Variants in RUFY3 observed in about 807,000 individuals in gnomAD.
RUFY3 encodes RUN and FYVE domain containing 3.
A neutral mutation model predicts 84.0 loss-of-function variants in RUFY3; 34 were observed. The ratio of observed to expected loss-of-function variants is 0.40; its 90% confidence interval spans 0.31 to 0.54. The LOEUF is 0.54. RUFY3 is among the 20% of genes least tolerant of loss of function. The pLI is 0.39. For synonymous variants in RUFY3, 242 were observed against 252.9 expected, an observed-to-expected ratio of 0.96 and a Z score of 0.41; for missense variants, 507 against 736.8, an observed-to-expected ratio of 0.69 and a Z score of 3.61.
intron 1 of RUFY3, chr4:70,741,526 T>C: frequency 1.1e-6 from 1 of 932,032 alleles, no homozygotes; most frequent in Non-Finnish European, 1.5e-6. Flanking sequence ...GAACCTCCCT[T>C]TCAGTTATCC....
intron 1 of RUFY3, among the ~76,000 whole-genome samples, chr4:70,737,398 T>C (rs1026549228): frequency 6.6e-6 from 1 of 152,206 alleles, no homozygotes; most frequent in African/African-American, 2.4e-5. Flanking sequence ...TATACAGATA[T>C]AAAACTAAGA....
chr4:70,790,501 G>T (rs73824902), intron 12 of RUFY3, among the ~76,000 whole-genome samples: 10,382 of 151,936 alleles, frequency 0.068, 555 homozygotes, highest in East Asian at 0.2. Flanking sequence ...TCCCTTATTC[G>T]TCAGATACAT....
At chr4:70,796,477 T>G (rs1418866187) in intron 14 of RUFY3, among the ~76,000 whole-genome samples, 2 of 152,254 alleles carry the variant, frequency 1.3e-5, no homozygotes, top group African/African-American at 2.4e-5. Flanking sequence ...CCCACTTGTT[T>G]ATAATTTCCA....
chr4:70,708,315 G>A (rs1473469468), intron 1 of RUFY3, among the ~76,000 whole-genome samples: 2 of 151,824 alleles, frequency 1.3e-5, no homozygotes, highest in African/African-American at 4.8e-5. Flanking sequence ...GGGATTACAG[G>A]TGCGCACCAC....
chr4:70,737,747 G>T (rs1234204856), intron 1 of RUFY3, among the ~76,000 whole-genome samples: 1 of 145,562 alleles, frequency 6.9e-6, no homozygotes, highest in Non-Finnish European at 1.5e-5. Flanking sequence ...TACCATCTCA[G>T]CTCACTGCAA....
intron 1 of RUFY3, among the ~76,000 whole-genome samples, chr4:70,709,684 C>G (rs539638396): frequency 1.3e-5 from 2 of 152,330 alleles, no homozygotes; most frequent in East Asian, 3.9e-4. Flanking sequence ...ACAGGATAGA[C>G]AAAAGATGGC....
intron 12 of RUFY3, chr4:70,792,780 A>G: frequency 1.0e-6 from 1 of 985,318 alleles, no homozygotes; most frequent in Non-Finnish European, 1.2e-6. Flanking sequence ...ACTTGAACCA[A>G]AATTAAGTCC....
chr4:70,716,312 A>C (rs925436781), intron 1 of RUFY3, among the ~76,000 whole-genome samples: 1 of 151,580 alleles, frequency 6.6e-6, no homozygotes, highest in Admixed American at 6.6e-5. Flanking sequence ...TGCCTGGCTA[A>C]TTTTTGTATT....
upstream of RUFY3, chr4:70,703,990 A>G (rs530867244): frequency 1.9e-4 from 29 of 152,368 alleles, no homozygotes; most frequent in African/African-American, 6.7e-4. Flanking sequence ...TTATTGCCGA[A>G]AGAAATGTTT....
Position 70,722,006 on chromosome 4 carries a change from G to T in RUFY3, c.-568G>T. 8.1e-7 allele frequency: 1 copy of T among 1,232,122 alleles called. No homozygotes were observed. Among genetic ancestry groups the T allele is most frequent in the Non-Finnish European group, 1.0e-6 (1 of 987,984 alleles). The allele number at this position is 1,232,122 out of a possible 1,614,324, so 76.3% of individuals were successfully genotyped here. On this transcript the variant is annotated 5_prime_UTR_variant, in exon 1 of 18. Coordinates refer to ENST00000381006, the MANE Select transcript of RUFY3 (RefSeq NM_001037442.4). ...TTTTGGTCAACACCCTGCTTACTGC[G>T]CACGGCCAATCCTATGAGAACTCAG...
At chr4:70,713,528 C>G (rs1741233187) in intron 1 of RUFY3, among the ~76,000 whole-genome samples, 1 of 151,700 alleles carries the variant, frequency 6.6e-6, no homozygotes, top group South Asian at 2.1e-4. Context: ...GGACAAGATA[C>G]TCAGCTTTGT....
chr4:70,704,963 C>G (rs2148543622), exon 1 of RUFY3: 1 of 1,227,636 alleles, frequency 8.1e-7, no homozygotes, highest in Non-Finnish European at 1.0e-6. Context: ...CGCCGCCCAC[C>G]GCTGGTGCCG....
chr4:70,716,845 CAA>C (rs531822773), intron 1 of RUFY3, among the ~76,000 whole-genome samples: 29 of 72,458 alleles, frequency 4.0e-4, no homozygotes, highest in African/African-American at 5.7e-4. Flanking sequence ...AACTCTGTCT[CAA>C]AAAAAAAAAA....
At chr4:70,772,069 T>G (rs1174806581) in intron 5 of RUFY3, among the ~76,000 whole-genome samples, 1 of 151,304 alleles carries the variant, frequency 6.6e-6, no homozygotes, top group African/African-American at 2.4e-5. Flanking sequence ...AAAACCTTTT[T>G]TTTTTCTGCC....
At chr4:70,706,037 C>T (rs1349711426) in intron 1 of RUFY3, among the ~76,000 whole-genome samples, 2 of 152,158 alleles carry the variant, frequency 1.3e-5, no homozygotes, top group Non-Finnish European at 2.9e-5. Context: ...ATGCAGCTGA[C>T]CCACACTCCG....
chr4:70,723,382 G>A (rs1717690511), intron 1 of RUFY3, among the ~76,000 whole-genome samples: 2 of 152,078 alleles, frequency 1.3e-5, no homozygotes, highest in Non-Finnish European at 2.9e-5. Flanking sequence ...GATTAATATG[G>A]CATCCCTATA....
At chr4:70,787,887 A>G (rs1578222006) in intron 10 of RUFY3, among the ~76,000 whole-genome samples, 1 of 152,312 alleles carries the variant, frequency 6.6e-6, no homozygotes, top group East Asian at 1.9e-4. Context: ...CCCAAGGCAC[A>G]AGGCAGATGC....
intron 14 of RUFY3, among the ~76,000 whole-genome samples, chr4:70,798,643 C>T: frequency 6.6e-6 from 1 of 151,912 alleles, no homozygotes; most frequent in African/African-American, 2.4e-5. Flanking sequence ...GTATCTGGGC[C>T]TTGCTGCGTG....
At chr4:70,805,309 C>G (rs933413810) in intron 17 of RUFY3, among the ~76,000 whole-genome samples, 1 of 152,194 alleles carries the variant, frequency 6.6e-6, no homozygotes, top group Non-Finnish European at 1.5e-5. Flanking sequence ...TGAGCATCTT[C>G]CCAGTTTGTT....
Sources: gnomAD v4.1 joint callset for allele counts (sites outside exome capture counted in the v4.1 genomes callset) on GRCh38, gnomAD v4.1.1 for gene constraint, MANE v1.5 for transcripts, NCBI Gene and HGNC (gene_info 2026-07-23, HGNC 2026-07-21) for gene names.